Variants in PADI6 observed in about 807,000 individuals in gnomAD.
PADI6 encodes peptidyl arginine deiminase 6.
Under a neutral mutation model 78.2 loss-of-function variants are expected in PADI6, and 66 were observed. That is an observed-to-expected ratio of 0.84 (90% confidence interval 0.69 to 1.04). The LOEUF is 1.04. PADI6 is among the 50% of genes least tolerant of loss of function. PADI6 has a pLI of 0.00. For synonymous variants in PADI6, 397 were observed against 346.9 expected (o/e 1.14, Z -1.60); for missense variants, 854 against 866.1 (o/e 0.99, Z 0.18).
rs113246787 is a variant in PADI6 at position 17,390,199 on chromosome 1, G to A, written c.962+1319G>A. Among the ~76,000 whole-genome samples the A allele has an allele frequency of 2.2e-4, 33 of 152,150 alleles. 2 individuals carry two copies. The highest frequency in any genetic ancestry group is 8.0e-4 in the African/African-American group (33 of 41,506). On this transcript the variant is annotated intron_variant, in intron 8 of 15. Coordinates refer to ENST00000619609, the MANE Select transcript of PADI6 (RefSeq NM_207421.4). ...CCTGTAGTCCCAGCTACTCAGTGAA[G>A]CTGAGGCAGGAGAATCACTTGAACC...
chr1:17,390,619 T>G (rs1228987169), intron 8 of PADI6, among the ~76,000 whole-genome samples: 1 of 121,960 alleles, frequency 8.2e-6, no homozygotes, highest in Non-Finnish European at 1.9e-5. Context: ...AAAAAAAGAC[T>G]TCTACCCCTC....
chr1:17,398,736 G>A lies in PADI6; in HGVS notation c.1740G>A (p.Val580=). Residue 580 remains valine (V), a synonymous_variant, in exon 15 of 16, where the codon GTG becomes GTA. Transcript: ENST00000619609. The part of the protein sequence containing the change: ...RDILKTELGL[V]EQDIIEIPQL... ...TCCTGAAGACGGAGCTGGGCCTGGTGGAACAGGACATCATCGAGATTCCCC... is the reference window on the plus strand; with the variant it reads ...TCCTGAAGACGGAGCTGGGCCTGGTAGAACAGGACATCATCGAGATTCCCC... 1 of 1,588,952 alleles carries A rather than the reference G, an allele frequency of 6.3e-7. No individual in the cohort carries two copies. The highest frequency in any genetic ancestry group is 8.6e-7 in the Non-Finnish European group (1 of 1,168,148).
At chr1:17,395,213 TTG>T (rs1445030070) in intron 12 of PADI6, 106 bp downstream of exon 12, 3 of 1,368,210 alleles carry the variant, frequency 2.2e-6, no homozygotes, top group Non-Finnish European at 2.9e-6. Flanking sequence ...TTTTTTTTTT[TTG>T]TTTGTTTTTT....
intron 6 of PADI6, 68 bp from the exon 7 acceptor site, chr1:17,388,313 C>G: frequency 7.1e-7 from 1 of 1,414,874 alleles, no homozygotes; most frequent in Non-Finnish European, 9.6e-7. Context: ...GAGCTGGTAC[C>G]TTGACCATCA....
At chr1:17,394,198 G>A in intron 10 of PADI6, 102 bp from the exon 11 acceptor site, 2 of 1,551,716 alleles carry the variant, frequency 1.3e-6, no homozygotes, top group Non-Finnish European at 8.8e-7. Context: ...TGAGGGGGGA[G>A]GGGACGTGGA....
intron 8 of PADI6, among the ~76,000 whole-genome samples, chr1:17,391,579 C>T (rs1485445894): frequency 6.6e-6 from 1 of 152,250 alleles, no homozygotes; most frequent in Non-Finnish European, 1.5e-5. Flanking sequence ...GAAGGGATGG[C>T]CACTGTAGAT....
intron 3 of PADI6, among the ~76,000 whole-genome samples, chr1:17,379,281 T>A (rs1295664145): frequency 1.3e-5 from 2 of 148,864 alleles, no homozygotes; most frequent in Non-Finnish European, 2.9e-5. Flanking sequence ...GCCCGGCTAA[T>A]TTTTTTGTAT....
intron 6 of PADI6, among the ~76,000 whole-genome samples, chr1:17,386,512 G>A (rs982477908): frequency 1.3e-5 from 2 of 152,228 alleles, no homozygotes; most frequent in African/African-American, 2.4e-5. Flanking sequence ...GCTGCATGCC[G>A]TGGGCCTGCT....
At position 17,398,682 on chromosome 1, in the gene PADI6, A is replaced by G; in HGVS notation, c.1690-4A>G. 8.7e-6 allele frequency: 1 copy of G among 114,340 alleles called. No homozygotes were observed. Among genetic ancestry groups the G allele is most frequent in the African/African-American group, 1.4e-4 (1 of 7,392 alleles). The allele number at this position is 114,340 out of a possible 1,614,324, so 7.1% of individuals were successfully genotyped here. A position where few individuals can be genotyped will look rare whatever the true frequency, so the allele number is the denominator to read the frequency against. On this transcript the variant is annotated splice_polypyrimidine_tract_variant and splice_region_variant and intron_variant, in intron 14 of 15. Transcript: ENST00000619609. ...CCCCCCCCCACCCACCCACCCACCC[A>G]CAGAAGTGCATTCACCTGAACCGTG...
chr1:17,396,376 A>G (rs970851786), intron 13 of PADI6, among the ~76,000 whole-genome samples: 2 of 152,028 alleles, frequency 1.3e-5, no homozygotes, highest in African/African-American at 4.8e-5. Flanking sequence ...ACAGAGCAAG[A>G]CTCCATCTCA....
rs756391067 is a variant in PADI6, at chr1:17,401,404, C to A, written c.2051C>A (p.Pro684His). The A allele has an allele frequency of 2.5e-6, 4 of 1,614,018 alleles. No homozygotes were observed. Among genetic ancestry groups the A allele is most frequent in the Non-Finnish European group, 3.4e-6 (4 of 1,179,902 alleles). ...GCCTGTGCCAACATCCGCCGGGTGCCCTTTGCCTTCAAATGGTGGAAGATG... is the reference window on the plus strand; with the variant it reads ...GCCTGTGCCAACATCCGCCGGGTGCACTTTGCCTTCAAATGGTGGAAGATG... ...ICACANIRRV[P>H]FAFKWWKMVP The change falls in exon 16 of 16, where the codon CCC (proline) becomes CAC (histidine). Residue 684 changes from proline (P) to histidine (H), a missense_variant. Physicochemically the swap from Pro to His is moderately conservative, Grantham distance 77. Coordinates refer to ENST00000619609, the MANE Select transcript of PADI6 (RefSeq NM_207421.4).
intron 9 of PADI6, 58 bp downstream of exon 9, chr1:17,392,283 C>A: frequency 1.6e-6 from 2 of 1,290,312 alleles, no homozygotes; most frequent in Non-Finnish European, 1.1e-6. Flanking sequence ...TCAGCATGTG[C>A]CACCTAAGAG....
At chr1:17,372,858 T>C (rs1570118129) in intron 1 of PADI6, among the ~76,000 whole-genome samples, 198 bp from the exon 2 acceptor site, 1 of 151,502 alleles carries the variant, frequency 6.6e-6, no homozygotes, top group African/African-American at 2.4e-5. Flanking sequence ...CGGGATGGGG[T>C]TTGGGCTGGA....
Position 17,379,542 on chromosome 1 carries a change from A to C in PADI6, c.368-378A>C, listed in dbSNP as rs531641291. Among the ~76,000 whole-genome samples, 5 of 152,316 alleles carry C rather than the reference A, an allele frequency of 3.3e-5. No individual in the cohort carries two copies. In the South Asian group the frequency reaches 1.0e-3, roughly 32 times the overall value. ...AGTGTTGGGATTATAGGAGTGAGCC[A>C]CTGTGCCCGGCCATATTAAGCCTTT... On this transcript the variant is annotated intron_variant, in intron 3 of 15. Transcript: ENST00000619609.
intron 8 of PADI6, 38 bp from the exon 9 acceptor site, chr1:17,392,076 C>T (rs747500517): frequency 7.1e-5 from 109 of 1,529,834 alleles, no homozygotes; most frequent in South Asian, 5.1e-4. Context: ...AAGGGACCTT[C>T]GAAAGCCTTC....
chr1:17,383,914 C>T lies in PADI6; in HGVS notation c.679+1822C>T, dbSNP rs544721801. ...CTATAATCCCAACACTTCGGGAGGC[C>T]AAGGCAGGCGGATCACCTGAGGTCA... On this transcript the variant is annotated intron_variant, in intron 6 of 15. Coordinates refer to ENST00000619609, the MANE Select transcript of PADI6 (RefSeq NM_207421.4). 4.1e-5 allele frequency among the ~76,000 whole-genome samples: 6 copies of T among 146,526 alleles called. No homozygotes were observed. The East Asian group carries it at 8.3e-4, about 20-fold the overall frequency.
Position 17,394,940 on chromosome 1 carries a change from C to T in PADI6, c.1338-11C>T, listed in dbSNP as rs376709213. On this transcript the variant is annotated splice_polypyrimidine_tract_variant and intron_variant, in intron 11 of 15. Coordinates refer to ENST00000619609, the MANE Select transcript of PADI6 (RefSeq NM_207421.4). Reference sequence around the variant, plus strand: ...CTGGCTCAAGAGCTGTTCTTTCCATCTTCCTTCTAGCGCAGAGGGCCGGGC... The same window carrying T: ...CTGGCTCAAGAGCTGTTCTTTCCATTTTCCTTCTAGCGCAGAGGGCCGGGC... The T allele has an allele frequency of 6.2e-7, 1 of 1,600,874 alleles. No homozygotes were observed. Among genetic ancestry groups the T allele is most frequent in the Non-Finnish European group, 8.5e-7 (1 of 1,174,314 alleles).
rs1248854525 is a variant in PADI6, at chr1:17,373,292, T to A, written c.294+59T>A. 17 of 1,573,142 alleles carry A rather than the reference T, an allele frequency of 1.1e-5. No individual in the cohort carries two copies. The East Asian group carries it at 3.8e-4, about 36-fold the overall frequency. Reference sequence around the variant, plus strand: ...CCGGGGTGGGACCTAGCACAGCCACTGGGGCTTCCTCCTGGCTGCAGACGT... The same window carrying A: ...CCGGGGTGGGACCTAGCACAGCCACAGGGGCTTCCTCCTGGCTGCAGACGT... On this transcript the variant is annotated intron_variant, in intron 2 of 15. Coordinates refer to ENST00000619609, the MANE Select transcript of PADI6 (RefSeq NM_207421.4).
At chr1:17,394,193 G>A (rs919899754) in intron 10 of PADI6, 107 bp from the exon 11 acceptor site, 22 of 1,553,016 alleles carry the variant, frequency 1.4e-5, no homozygotes, top group East Asian at 6.8e-5. Flanking sequence ...GCCTCTGAGG[G>A]GGGAGGGGAC....
Sources: gnomAD v4.1 joint callset for allele counts (sites outside exome capture counted in the v4.1 genomes callset) on GRCh38, gnomAD v4.1.1 for gene constraint, MANE v1.5 for transcripts, NCBI Gene and HGNC (gene_info 2026-07-23, HGNC 2026-07-21) for gene names.